Variants in CPEB3 observed in about 807,000 individuals in gnomAD.
The protein encoded by CPEB3 is cytoplasmic polyadenylation element binding protein 3, also known as cytoplasmic polyadenylation element-binding protein 3.
CPEB3 carries 20 observed loss-of-function variants against 67.2 expected under a neutral mutation model. The observed-to-expected ratio is 0.30, with a 90% CI of 0.21 to 0.43. The LOEUF (loss-of-function observed/expected upper bound fraction) is 0.43, where lower values mean the gene tolerates loss of function less well. Among genes scored for constraint, CPEB3 ranks in the 20% least tolerant of loss-of-function variants. The probability of loss-of-function intolerance (pLI) is 1.00; values close to 1 mark genes in which losing one functional copy is unlikely to be tolerated. For synonymous variants in CPEB3, 376 were observed against 393.1 expected, an observed-to-expected ratio of 0.96 and a Z score of 0.51; for missense variants, 746 against 968.6, an observed-to-expected ratio of 0.77 and a Z score of 3.05.
intron 7 of CPEB3, among the ~76,000 whole-genome samples, chr10:92,109,468 G>C (rs1844626220): frequency 6.6e-6 from 1 of 152,012 alleles, no homozygotes. Flanking sequence ...TAGCCAGGAT[G>C]GTCTTGATCT....
intron 2 of CPEB3, among the ~76,000 whole-genome samples, chr10:92,234,146 T>C (rs1260617206): frequency 4.7e-5 from 7 of 149,562 alleles, no homozygotes; most frequent in Admixed American, 1.3e-4. Context: ...AAGGCAGAGA[T>C]ACAGACAGAA....
rs2134228455 is a variant in CPEB3 at position 92,048,707 on chromosome 10, C to T, written c.*3505G>A. 1 of 152,710 alleles carries T rather than the reference C, an allele frequency of 6.5e-6. No homozygotes were observed. Among genetic ancestry groups the T allele is most frequent in the Non-Finnish European group, 1.5e-5 (1 of 68,018 alleles). The allele number at this position is 152,710 out of a possible 1,614,324, so 9.5% of individuals were successfully genotyped here. ...TTTCCAATCACTTTACATAACCAAG[C>T]ATTTTCATCGTTGTCACACTATTGT... is the stretch of plus-strand genomic sequence containing the variant. On this transcript the variant is annotated 3_prime_UTR_variant, in exon 10 of 10. Transcript: ENST00000265997. The surrounding 1 kb of genome is among the most constrained non-coding windows in gnomAD (Gnocchi z 4.1).
intron 4 of CPEB3, among the ~76,000 whole-genome samples, chr10:92,157,368 G>C (rs1177273897): frequency 2.0e-5 from 3 of 152,124 alleles, no homozygotes; most frequent in Non-Finnish European, 4.4e-5. Flanking sequence ...GCTTCTCCTA[G>C]CTACTTCGTA....
chr10:92,271,867 T>C (rs994202346), intron 1 of CPEB3, among the ~76,000 whole-genome samples: 2 of 152,298 alleles, frequency 1.3e-5, no homozygotes, highest in Admixed American at 6.5e-5. Context: ...TTTATTCTTG[T>C]GGTGTTTGCA....
At chr10:92,256,794 T>C (rs1852535838) in intron 1 of CPEB3, among the ~76,000 whole-genome samples, 1 of 152,250 alleles carries the variant, frequency 6.6e-6, no homozygotes, top group African/African-American at 2.4e-5. Context: ...ATTCCTTCCT[T>C]TATACAACTT....
chr10:92,066,078 C>G (rs545371899), intron 9 of CPEB3, among the ~76,000 whole-genome samples: 2 of 151,678 alleles, frequency 1.3e-5, no homozygotes, highest in South Asian at 4.2e-4. Context: ...AACTGGGTGA[C>G]AGAGTGAGAC....
chr10:92,103,781 A>C (rs1844303944), intron 7 of CPEB3, among the ~76,000 whole-genome samples: 1 of 152,232 alleles, frequency 6.6e-6, no homozygotes. Context: ...CAGCTATTTT[A>C]ACTTTCAGGT....
intron 1 of CPEB3, among the ~76,000 whole-genome samples, chr10:92,263,894 T>C (rs1852921673): frequency 1.3e-5 from 2 of 152,202 alleles, no homozygotes; most frequent in Non-Finnish European, 2.9e-5. Context: ...ATGATGTTTA[T>C]ACTAACTAGC....
chr10:92,255,023 C>T (rs944776830), intron 1 of CPEB3, among the ~76,000 whole-genome samples: 11 of 152,022 alleles, frequency 7.2e-5, no homozygotes, highest in African/African-American at 2.7e-4. Context: ...GTCTGTAACT[C>T]CTAAGAGAAT....
intron 4 of CPEB3, among the ~76,000 whole-genome samples, chr10:92,153,236 T>C (rs535703531): frequency 1.3e-5 from 2 of 152,286 alleles, no homozygotes; most frequent in Non-Finnish European, 2.9e-5. Flanking sequence ...TGATCTCTCT[T>C]CCCTCGAGCA....
rs34029695 is a variant in CPEB3, at chr10:92,205,470, CTTTTTTTTTTTT to C, written c.1006-12846_1006-12835del. Among the ~76,000 whole-genome samples, 5 of 91,028 alleles carry C rather than the reference CTTTTTTTTTTTT, an allele frequency of 5.5e-5. No individual in the cohort carries two copies. The South Asian group carries it at 1.1e-3, about 20-fold the overall frequency. The allele number at this position is 91,028 out of a possible 152,430, so 59.7% of individuals were successfully genotyped here. On this transcript the variant is annotated intron_variant, in intron 2 of 9. Transcript: ENST00000265997. Reference sequence around the variant, plus strand: ...AGGAAACTAAATATTAAATTCAGTCCTTTTTTTTTTTTTTTTTTTTTTTTGAGACGGAGTCTC... The same window carrying C: ...AGGAAACTAAATATTAAATTCAGTCCTTTTTTTTTTTTGAGACGGAGTCTC...
At chr10:92,166,384 C>T (rs1847747467) in intron 4 of CPEB3, among the ~76,000 whole-genome samples, 2 of 152,204 alleles carry the variant, frequency 1.3e-5, no homozygotes, top group Non-Finnish European at 2.9e-5. Context: ...GCTGGGATTA[C>T]AGGCATGAGC....
At chr10:92,119,114 G>A (rs74727331) in intron 6 of CPEB3, 1 of 1,586,494 alleles carries the variant, frequency 6.3e-7, no homozygotes. Context: ...GTCTGGAGTG[G>A]CTGTCCTGGT....
At chr10:92,135,964 G>C (rs892519670) in intron 6 of CPEB3, among the ~76,000 whole-genome samples, 1 of 143,742 alleles carries the variant, frequency 7.0e-6, no homozygotes, top group African/African-American at 2.6e-5. Context: ...TGAACAATGA[G>C]AACACTTGGA....
chr10:92,206,248 T>A (rs777030435), intron 2 of CPEB3, among the ~76,000 whole-genome samples: 1 of 152,006 alleles, frequency 6.6e-6, no homozygotes, highest in Non-Finnish European at 1.5e-5. Flanking sequence ...ATTTTTTGTA[T>A]TTTTAGCAGA....
At position 92,226,694 on chromosome 10, in the gene CPEB3, T is replaced by C. The variant is rs1590446812; in HGVS notation, c.1005+12652A>G. ...GAGAGTGATGAATACTGTAAGACAA[T>C]GTAGCATAAGAGGAATTAGGGAAGA... On this transcript the variant is annotated intron_variant, in intron 2 of 9. Coordinates refer to ENST00000265997, the MANE Select transcript of CPEB3 (RefSeq NM_014912.5). 1.3e-5 allele frequency among the ~76,000 whole-genome samples: 2 copies of C among 152,154 alleles called. 1 individual carries two copies. Among genetic ancestry groups the C allele is most frequent in the South Asian group, 4.1e-4 (2 of 4,828 alleles).
At chr10:92,082,673 T>G (rs775293747) in intron 8 of CPEB3, among the ~76,000 whole-genome samples, 7 of 152,064 alleles carry the variant, frequency 4.6e-5, no homozygotes, top group Non-Finnish European at 8.8e-5. Context: ...TGTCTGAAGG[T>G]AATTGTTTAC....
chr10:92,187,082 C>A (rs538881456), intron 3 of CPEB3, among the ~76,000 whole-genome samples: 2 of 152,176 alleles, frequency 1.3e-5, no homozygotes, highest in African/African-American at 4.8e-5. Context: ...ATAAGAAGAC[C>A]TCAAAATTCC....
At chr10:92,177,724 T>C (rs763321420) in intron 4 of CPEB3, among the ~76,000 whole-genome samples, 2 of 152,202 alleles carry the variant, frequency 1.3e-5, no homozygotes, top group Non-Finnish European at 2.9e-5. Flanking sequence ...CTGGAGGGCA[T>C]GCACTAGGAA....
Sources: gnomAD v4.1 joint callset for allele counts (sites outside exome capture counted in the v4.1 genomes callset) on GRCh38, gnomAD v4.1.1 for gene constraint, Gnocchi (gnomAD v3.1) non-coding constraint, MANE v1.5 for transcripts, NCBI Gene and HGNC (gene_info 2026-07-23, HGNC 2026-07-21) for gene names.